Variants in PCBP3 observed in about 807,000 individuals in gnomAD.
PCBP3 encodes the protein poly(rC) binding protein 3.
In PCBP3, 25 loss-of-function variants were observed where a neutral mutation model predicts 52.7. That is an observed-to-expected ratio of 0.47 (90% CI 0.35 to 0.66). The LOEUF (loss-of-function observed/expected upper bound fraction) is 0.66, where lower values mean the gene tolerates loss of function less well. PCBP3 is among the 30% of genes least tolerant of loss of function. The probability of loss-of-function intolerance (pLI) is 0.01; values close to 1 mark genes in which losing one functional copy is unlikely to be tolerated. For missense variants in PCBP3, 391 were observed against 490.3 expected, an observed-to-expected ratio of 0.80 and a Z score of 1.91; for synonymous variants, 162 against 183.0, an observed-to-expected ratio of 0.89 and a Z score of 0.93.
chr21:45,901,431 C>G, intron 9 of PCBP3: 1 of 319,218 alleles, frequency 3.1e-6, no homozygotes, highest in Non-Finnish European at 6.2e-6. Context: ...TCCCCTGGGG[C>G]GTGCAGCCTG....
At chr21:45,845,249 C>G (rs1218314883) in intron 4 of PCBP3, among the ~76,000 whole-genome samples, 2 of 152,238 alleles carry the variant, frequency 1.3e-5, no homozygotes, top group African/African-American at 4.8e-5. Flanking sequence ...TGCTGAGAGG[C>G]ATGAGGAGAA....
intron 5 of PCBP3, among the ~76,000 whole-genome samples, chr21:45,891,938 C>CAGG (rs1477979928): frequency 2.0e-5 from 3 of 152,228 alleles, no homozygotes; most frequent in Non-Finnish European, 4.4e-5. Flanking sequence ...GCCCCTGAGT[C>CAGG]AGGACGTCCA....
chr21:45,887,936 C>T (rs1004366688), intron 5 of PCBP3, among the ~76,000 whole-genome samples: 4 of 152,348 alleles, frequency 2.6e-5, no homozygotes, highest in South Asian at 2.1e-4. Context: ...AAGGTTGGGC[C>T]GCCTTTCCCT....
At chr21:45,734,624 C>G (rs1300606292) in intron 2 of PCBP3, among the ~76,000 whole-genome samples, 13 of 152,196 alleles carry the variant, frequency 8.5e-5, no homozygotes, top group Admixed American at 7.8e-4. Flanking sequence ...CTGGGTTCCC[C>G]CTTCCTGTGC....
At chr21:45,701,238 A>G (rs1458795934) in intron 2 of PCBP3, among the ~76,000 whole-genome samples, 1 of 152,222 alleles carries the variant, frequency 6.6e-6, no homozygotes, top group Non-Finnish European at 1.5e-5. Context: ...CAGGTAACTC[A>G]GTCTTCCCTC....
intron 4 of PCBP3, among the ~76,000 whole-genome samples, chr21:45,781,104 T>G (rs1392025619): frequency 6.6e-6 from 1 of 152,142 alleles, no homozygotes; most frequent in Non-Finnish European, 1.5e-5. Context: ...GGTAGAGAAC[T>G]GGAAAGTTTG....
intron 4 of PCBP3, among the ~76,000 whole-genome samples, chr21:45,776,878 GT>G (rs2090303319): frequency 6.6e-6 from 1 of 152,188 alleles, no homozygotes; most frequent in Middle Eastern, 3.4e-3. Flanking sequence ...TGACAGGTTT[GT>G]TTCTGTCGTA....
At chr21:45,893,145 A>G (rs974155667) in intron 5 of PCBP3, among the ~76,000 whole-genome samples, 1 of 151,880 alleles carries the variant, frequency 6.6e-6, no homozygotes, top group South Asian at 2.1e-4. Flanking sequence ...CTCAGGGCCT[A>G]TGGCAGTTGT....
chr21:45,857,086 G>T (rs1004409321), intron 5 of PCBP3, among the ~76,000 whole-genome samples: 1 of 152,194 alleles, frequency 6.6e-6, no homozygotes, highest in African/African-American at 2.4e-5. Context: ...TTTAAAAGCT[G>T]CTGGACTCTC....
intron 1 of PCBP3, among the ~76,000 whole-genome samples, chr21:45,644,576 T>C (rs1172496007): frequency 6.6e-6 from 1 of 152,194 alleles, no homozygotes; most frequent in Non-Finnish European, 1.5e-5. Flanking sequence ...ATTACTGGCA[T>C]AAGAAATTTG....
At chr21:45,852,309 A>G (rs1004196575) in intron 5 of PCBP3, among the ~76,000 whole-genome samples, 1 of 152,258 alleles carries the variant, frequency 6.6e-6, no homozygotes, top group Non-Finnish European at 1.5e-5. Flanking sequence ...AAGACAAGGG[A>G]AAATTTCCCC....
At chr21:45,722,461 G>A (rs915547523) in intron 2 of PCBP3, among the ~76,000 whole-genome samples, 4 of 152,052 alleles carry the variant, frequency 2.6e-5, no homozygotes, top group African/African-American at 9.7e-5. Context: ...TATTTTTATT[G>A]TTGGAGAAGA....
At chr21:45,860,994 C>T (rs1481310859) in intron 5 of PCBP3, among the ~76,000 whole-genome samples, 2 of 152,222 alleles carry the variant, frequency 1.3e-5, no homozygotes, top group Non-Finnish European at 2.9e-5. Flanking sequence ...TCACTGGGCT[C>T]TTGGCGGCAC....
chr21:45,815,223 GTGA>G (rs201750084), intron 4 of PCBP3, among the ~76,000 whole-genome samples: 5 of 76,686 alleles, frequency 6.5e-5, no homozygotes, highest in Non-Finnish European at 1.3e-4. Context: ...TGAGTGGTGA[GTGA>G]TGAGTGGTGA....
intron 4 of PCBP3, among the ~76,000 whole-genome samples, chr21:45,785,562 G>A (rs1184077007): frequency 6.7e-6 from 1 of 149,290 alleles, no homozygotes; most frequent in African/African-American, 2.5e-5. Context: ...GGTGAGGGGC[G>A]CCTCTGCCCG....
chr21:45,802,189 G>A lies in PCBP3; in HGVS notation c.-126+46737G>A, dbSNP rs748509274. Among the ~76,000 whole-genome samples, 2 of 152,210 alleles carry A rather than the reference G, an allele frequency of 1.3e-5. No individual in the cohort carries two copies. The highest frequency in any genetic ancestry group is 2.4e-5 in the African/African-American group (1 of 41,452). ...TTTCTGCCCACATTCTCCTGGTAGC[G>A]GCTCTGCAGCTGGGCGCTGTTTCTG... On this transcript the variant is annotated intron_variant, in intron 4 of 17. Transcript: ENST00000681687. This position sits in a 1 kb window ranked among gnomAD's most constrained non-coding sequence, Gnocchi z 5.1.
chr21:45,750,882 G>A (rs1400301880), intron 3 of PCBP3: 2 of 151,642 alleles, frequency 1.3e-5, no homozygotes, highest in African/African-American at 4.9e-5. Flanking sequence ...GTAAGTGTGT[G>A]TGTGTGTGTG....
intron 5 of PCBP3, among the ~76,000 whole-genome samples, chr21:45,868,949 T>C (rs568875855): frequency 2.6e-5 from 4 of 152,314 alleles, no homozygotes; most frequent in South Asian, 2.1e-4. Context: ...CTTCTTCCCA[T>C]TGGAATTCAC....
rs2075781675 is a variant in PCBP3 at position 45,928,563 on chromosome 21, T to C, written c.718-1354T>C. Among the ~76,000 whole-genome samples, 1 of 152,170 alleles carries C rather than the reference T, an allele frequency of 6.6e-6. No individual in the cohort carries two copies. The highest frequency in any genetic ancestry group is 1.5e-5 in the Non-Finnish European group (1 of 68,018). On this transcript the variant is annotated intron_variant, in intron 13 of 17. Coordinates refer to ENST00000681687, the MANE Select transcript of PCBP3 (RefSeq NM_001384156.1). The surrounding 1 kb of genome is among the most constrained non-coding windows in gnomAD (Gnocchi z 4.1). Reference sequence around the variant, plus strand: ...GGACCACAGTCGCCGCATTCCTGACTGTGCTCCCTGGTGTCAGGGAACCCA... The same window carrying C: ...GGACCACAGTCGCCGCATTCCTGACCGTGCTCCCTGGTGTCAGGGAACCCA...
Sources: allele counts gnomAD v4.1 joint callset (sites outside exome capture counted in the v4.1 genomes callset), GRCh38; gene constraint gnomAD v4.1.1; non-coding constraint Gnocchi (gnomAD v3.1); transcripts MANE v1.5; gene names NCBI Gene and HGNC (gene_info 2026-07-23, HGNC 2026-07-21).